Variants in ADGRF5 observed in about 807,000 individuals in gnomAD.
ADGRF5 encodes adhesion G protein-coupled receptor F5.
Under a neutral mutation model 132.3 loss-of-function variants are expected in ADGRF5, and 75 were observed. That is an observed-to-expected ratio of 0.57 (90% CI 0.47 to 0.69). The LOEUF is 0.69. Among genes scored for constraint, ADGRF5 ranks in the 30% least tolerant of loss-of-function variants. ADGRF5 has a pLI of 0.00. For synonymous variants in ADGRF5, 629 were observed against 597.6 expected (o/e 1.05, Z -0.77); for missense variants, 1,516 against 1,630.6 (o/e 0.93, Z 1.21).
rs192942986 is a variant in ADGRF5 at position 46,892,480 on chromosome 6, G to A, written c.158-3975C>T. Among the ~76,000 whole-genome samples, 217 of 152,124 alleles carry A rather than the reference G, an allele frequency of 1.4e-3. 2 individuals carry two copies. Among genetic ancestry groups the A allele is most frequent in the African/African-American group, 4.8e-3 (198 of 41,518 alleles). ...AAAATTCACATTCAGGGCCAGGCAC[G>A]GTGGCTCACGCTTGTAATCCCAGCA... is the stretch of plus-strand genomic sequence containing the variant. On this transcript the variant is annotated intron_variant, in intron 3 of 20. Transcript: ENST00000283296.
intron 1 of ADGRF5, among the ~76,000 whole-genome samples, chr6:46,945,617 G>A (rs1054747283): frequency 1.3e-5 from 2 of 152,242 alleles, no homozygotes; most frequent in African/African-American, 4.8e-5. Flanking sequence ...GCACTTAGCA[G>A]GGAGATCAGT....
rs74499718 is a variant in ADGRF5 at position 46,879,747 on chromosome 6, A to G, written c.1036+71T>C. 1,042 of 1,018,198 alleles carry G rather than the reference A, an allele frequency of 1.0e-3. 7 individuals are homozygous for G. The African/African-American group carries it at 0.014, about 14-fold the overall frequency. The allele number at this position is 1,018,198 out of a possible 1,614,324, so 63.1% of individuals were successfully genotyped here. ...CACTATCTACATAGCTACGTAAAACACTATTACATATTTGCTTCTTTATAA... is the reference window on the plus strand; with the variant it reads ...CACTATCTACATAGCTACGTAAAACGCTATTACATATTTGCTTCTTTATAA... On this transcript the variant is annotated intron_variant, in intron 9 of 20. Coordinates refer to ENST00000283296, the MANE Select transcript of ADGRF5 (RefSeq NM_001098518.2).
At chr6:46,869,959 T>C (rs1044484966) in intron 11 of ADGRF5, among the ~76,000 whole-genome samples, 1 of 151,974 alleles carries the variant, frequency 6.6e-6, no homozygotes, top group Non-Finnish European at 1.5e-5. Context: ...CTATTACAAA[T>C]ATAAAATATA....
intron 11 of ADGRF5, among the ~76,000 whole-genome samples, chr6:46,869,592 C>T (rs893200414): frequency 2.6e-5 from 4 of 152,140 alleles, no homozygotes; most frequent in Non-Finnish European, 5.9e-5. Context: ...AAGGGCAGAC[C>T]TGTAGCCTCT....
intron 1 of ADGRF5, among the ~76,000 whole-genome samples, chr6:46,932,996 G>C (rs1777634370): frequency 6.6e-6 from 1 of 152,136 alleles, no homozygotes; most frequent in Admixed American, 6.5e-5. Flanking sequence ...GCCAAGAAAT[G>C]GCCAAAAATA....
chr6:46,892,153 AATACACACACACACACAC>A (rs1294664536), intron 3 of ADGRF5, among the ~76,000 whole-genome samples: 1 of 113,452 alleles, frequency 8.8e-6, no homozygotes, highest in African/African-American at 3.5e-5. Flanking sequence ...GGAATACACA[AATACACACACACACACAC>A]ACACACACAC....
chr6:46,912,667 T>C (rs1257092065), intron 1 of ADGRF5, among the ~76,000 whole-genome samples: 1 of 152,114 alleles, frequency 6.6e-6, no homozygotes, highest in Non-Finnish European at 1.5e-5. Flanking sequence ...AAAGCCAAGA[T>C]GATTGGAAAT....
intron 16 of ADGRF5, among the ~76,000 whole-genome samples, chr6:46,859,747 A>T (rs190284325): frequency 1.3e-5 from 2 of 152,312 alleles, no homozygotes; most frequent in East Asian, 3.9e-4. Flanking sequence ...AGCAATGGTG[A>T]CAGTGAGAGT....
At chr6:46,854,221 C>A in intron 20 of ADGRF5, 150 bp from the exon 21 acceptor site, 2 of 560,506 alleles carry the variant, frequency 3.6e-6, no homozygotes, top group Non-Finnish European at 3.1e-6. Flanking sequence ...GCCCTCCTCC[C>A]AAGACCCAGA....
At chr6:46,908,130 G>C (rs1581958009) in intron 1 of ADGRF5, 1 of 152,224 alleles carries the variant, frequency 6.6e-6, no homozygotes, top group East Asian at 1.9e-4. Context: ...GTGGAAAACT[G>C]GAAAACTGAT....
chr6:46,890,047 A>T (rs1773492216), intron 3 of ADGRF5, among the ~76,000 whole-genome samples: 1 of 152,098 alleles, frequency 6.6e-6, no homozygotes, highest in Admixed American at 6.6e-5. Context: ...TTAATACTTA[A>T]TAAAGAATCT....
At chr6:46,925,386 T>C (rs1486236903), upstream of ADGRF5, among the ~76,000 whole-genome samples, 1 of 152,228 alleles carries the variant, frequency 6.6e-6, no homozygotes, top group Non-Finnish European at 1.5e-5. Flanking sequence ...TGCTTTAGTT[T>C]TCCATATCAT....
In ADGRF5 at chr6:46,868,912, G is replaced by A. The variant is rs2150805994; in HGVS notation, c.1592C>T (p.Thr531Ile). 1 of 1,612,828 alleles carries A rather than the reference G, an allele frequency of 6.2e-7. No individual in the cohort carries two copies. The highest frequency in any genetic ancestry group is 1.1e-5 in the South Asian group (1 of 91,038). ...RYLDGAESVL[T>I]VKTSTREWNG... Reference sequence around the variant, plus strand: ...CCACTCCCTGGTCGAGGTCTTGACTGTCAGTACTGATTCTGCTCCATCAAG... The same window carrying A: ...CCACTCCCTGGTCGAGGTCTTGACTATCAGTACTGATTCTGCTCCATCAAG... The change falls in exon 12 of 21, where the codon ACA becomes ATA. Residue 531 changes from threonine to isoleucine, a missense_variant. Around this residue, in one of 2 missense-constraint regions of ADGRF5, gnomAD observed 945 missense variants for 929.4 expected, o/e 1.02. Transcript: ENST00000283296.
Position 46,859,179 on chromosome 6 carries a change from G to A in ADGRF5, c.2724C>T (p.Ile908=). The A allele has an allele frequency of 6.2e-7, 1 of 1,613,824 alleles. No homozygotes were observed. Among genetic ancestry groups the A allele is most frequent in the South Asian group, 1.1e-5 (1 of 91,074 alleles). Residue 908 remains isoleucine, a synonymous_variant, in exon 17 of 21, where the codon ATC becomes ATT. Coordinates refer to ENST00000283296, the MANE Select transcript of ADGRF5 (RefSeq NM_001098518.2). ...TATTTTCCTGGATATCCTGGGCAAG[G>A]ATGGCTTGGAGAGTTGGGAAAGCCA... ...VTMAFPTLQA[I]LAQDIQENNF... is the part of the protein sequence containing the mutation.
Position 46,879,845 on chromosome 6 carries a change from T to C in ADGRF5, c.1009A>G (p.Ile337Val), listed in dbSNP as rs202040944. 1.2e-6 allele frequency: 2 copies of C among 1,613,558 alleles called. No individual in the cohort carries two copies. Among genetic ancestry groups the C allele is most frequent in the Admixed American group, 3.3e-5 (2 of 60,020 alleles). The change falls in exon 9 of 21, where the codon ATC (isoleucine) becomes GTC (valine). Residue 337 changes from isoleucine to valine, a missense_variant. By Grantham distance (29) the Ile-to-Val change is conservative (BLOSUM62 3). Transcript: ENST00000283296. ...GCATCACCTGGAGTGATGTTGTGGATGGTGAGCTTGGACACCGAAGTCATG... is the reference window on the plus strand; with the variant it reads ...GCATCACCTGGAGTGATGTTGTGGACGGTGAGCTTGGACACCGAAGTCATG... Reference protein sequence around the residue: ...NNMTSVSKLTIHNITPGDAGE... With the variant: ...NNMTSVSKLTVHNITPGDAGE...
chr6:46,906,558 C>T, intron 2 of ADGRF5, 103 bp downstream of exon 2: 1 of 693,402 alleles, frequency 1.4e-6, no homozygotes, highest in Non-Finnish European at 2.6e-6. Flanking sequence ...TTTTTTCTCC[C>T]CCTAAAGTTT....
intron 1 of ADGRF5, among the ~76,000 whole-genome samples, chr6:46,930,523 T>A (rs773955862): frequency 6.6e-6 from 1 of 151,956 alleles, no homozygotes; most frequent in South Asian, 2.1e-4. Flanking sequence ...TAGAAAGAAG[T>A]GGGAAATGGT....
At chr6:46,930,973 A>T (rs866413121) in intron 1 of ADGRF5, among the ~76,000 whole-genome samples, 24 of 152,118 alleles carry the variant, frequency 1.6e-4, no homozygotes, top group Admixed American at 7.2e-4. Flanking sequence ...AGGATCACTT[A>T]AGCCTGGGAA....
intron 3 of ADGRF5, among the ~76,000 whole-genome samples, chr6:46,897,934 A>G (rs1332077728): frequency 6.6e-6 from 1 of 152,214 alleles, no homozygotes; most frequent in African/African-American, 2.4e-5. Context: ...ATTTTGTAAA[A>G]GTACCAAGGC....
Sources: gnomAD v4.1 joint callset for allele counts (sites outside exome capture counted in the v4.1 genomes callset) on GRCh38, gnomAD v4.1.1 for gene constraint, gnomAD v4.1.1 regional missense constraint, MANE v1.5 for transcripts, NCBI Gene and HGNC (gene_info 2026-07-23, HGNC 2026-07-21) for gene names.